ENOSF1: variants seen among roughly 807,000 people sequenced by gnomAD.
ENOSF1 encodes the protein mitochondrial enolase superfamily member 1.
Under a neutral mutation model 68.2 loss-of-function variants are expected in ENOSF1, and 73 were observed. The observed-to-expected ratio is 1.07, with a 90% CI of 0.89 to 1.30. ENOSF1 has a LOEUF of 1.30. Ranked by LOEUF, ENOSF1 falls within the 50% of genes most tolerant of loss-of-function variation. The pLI is 0.00. For missense variants in ENOSF1, 589 were observed against 554.5 expected, an observed-to-expected ratio of 1.06 and a Z score of -0.62; for synonymous variants, 223 against 210.4, an observed-to-expected ratio of 1.06 and a Z score of -0.52.
chr18:691,661 T>C (rs1040414331), intron 5 of ENOSF1: 7 of 185,268 alleles, frequency 3.8e-5, no homozygotes, highest in Non-Finnish European at 6.7e-5. Flanking sequence ...CTTATGGTGA[T>C]ACATGGGGCT....
intron 3 of ENOSF1, among the ~76,000 whole-genome samples, chr18:694,840 T>C (rs973882754): frequency 5.3e-5 from 8 of 152,206 alleles, no homozygotes; most frequent in African/African-American, 1.9e-4. Flanking sequence ...TAAGTATATG[T>C]ATGTATATAC....
In ENOSF1 at chr18:683,234, C is replaced by A. The variant is rs775549221; in HGVS notation, c.876+12G>T. 1 of 1,613,788 alleles carries A rather than the reference C, an allele frequency of 6.2e-7. No homozygotes were observed. The highest frequency in any genetic ancestry group is 1.7e-5 in the Admixed American group (1 of 59,986). On this transcript the variant is annotated intron_variant, in intron 11 of 15. Transcript: ENST00000647584. Reference sequence around the variant, plus strand: ...AAATAAGCTGCCACAGCAGCAGCAGCCGTTTTCCTACCTTGGAAATGGTGG... The same window carrying A: ...AAATAAGCTGCCACAGCAGCAGCAGACGTTTTCCTACCTTGGAAATGGTGG...
chr18:683,009 C>G (rs563489867), intron 11 of ENOSF1: 1 of 474,264 alleles, frequency 2.1e-6, no homozygotes, highest in Non-Finnish European at 3.7e-6. Context: ...AGCCCTTCAA[C>G]TTTTAGCAGC....
At chr18:707,855 TTA>T (rs1450255748) in intron 1 of ENOSF1, among the ~76,000 whole-genome samples, 10 of 23,242 alleles carry the variant, frequency 4.3e-4, no homozygotes, top group East Asian at 1.8e-3. Flanking sequence ...TAATGTTTTA[TTA>T]TTATTATTAT....
the ENOSF1 span, among the ~76,000 whole-genome samples, chr18:664,889 G>C: frequency 7.1e-6 from 1 of 141,758 alleles, no homozygotes; most frequent in African/African-American, 2.8e-5. Context: ...TGGTGGATAA[G>C]CTTTTTGATG....
intron 10 of ENOSF1, among the ~76,000 whole-genome samples, chr18:685,458 A>G (rs1310133229): frequency 6.6e-6 from 1 of 152,218 alleles, no homozygotes; most frequent in Non-Finnish European, 1.5e-5. Flanking sequence ...AAGCCTCATA[A>G]AAACATCTTA....
At chr18:712,284 A>G in intron 1 of ENOSF1, 2 of 1,530,092 alleles carry the variant, frequency 1.3e-6, no homozygotes, top group Non-Finnish European at 1.7e-6. Context: ...ATGGGTTCGA[A>G]GTCGGGAAGC....
chr18:672,471 T>C lies in ENOSF1; in HGVS notation c.*1834A>G, dbSNP rs375466120. ...TCCCTTTCTGTTCACTGTCCATGCA[T>C]GTCATCTTTCCTTCTTTCTGCCAGG... On this transcript the variant is annotated 3_prime_UTR_variant, in exon 16 of 16. Coordinates refer to ENST00000647584, the MANE Select transcript of ENOSF1 (RefSeq NM_017512.7). 6.2e-6 allele frequency: 1 copy of C among 160,352 alleles called. No homozygotes were observed. Among genetic ancestry groups the C allele is most frequent in the African/African-American group, 2.4e-5 (1 of 41,688 alleles). The allele number at this position is 160,352 out of a possible 1,614,324, so 9.9% of individuals were successfully genotyped here.
chr18:691,094 T>C lies in ENOSF1; in HGVS notation c.509A>G (p.Lys170Arg). The stretch of plus-strand genomic sequence containing the variant: ...TCTTTCTTTTTTACCAATTTGACCT[T>C]TCTGCAGTATTTCTGGAAGAAATAA... ...TEEDALEILQ[K>R]GQIGKKEREK... is the part of the protein sequence containing the mutation. The change falls in exon 7 of 16, where the codon AAA becomes AGA. Residue 170 changes from lysine (K) to arginine (R), a missense_variant. Coordinates refer to ENST00000647584, the MANE Select transcript of ENOSF1 (RefSeq NM_017512.7). The C allele has an allele frequency of 6.2e-7, 1 of 1,614,236 alleles. No individual in the cohort carries two copies. Among genetic ancestry groups the C allele is most frequent in the Non-Finnish European group, 8.5e-7 (1 of 1,180,032 alleles).
At position 671,208 on chromosome 18, in the gene ENOSF1, T is replaced by C; in HGVS notation, c.*3097A>G. The C allele has an allele frequency of 3.2e-6, 2 of 631,756 alleles. No homozygotes were observed. The allele number at this position is 631,756 out of a possible 1,614,324, so 39.1% of individuals were successfully genotyped here. A position where few individuals can be genotyped will look rare whatever the true frequency, so the allele number is the denominator to read the frequency against. On this transcript the variant is annotated 3_prime_UTR_variant, in exon 16 of 16. Coordinates refer to ENST00000647584, the MANE Select transcript of ENOSF1 (RefSeq NM_017512.7). ...CAATTGCTTGAGGTCTGGAGTTCAA[T>C]ACCAGCCTGGGCAACATAACAAGAT...
chr18:689,806 G>A (rs999667170), intron 8 of ENOSF1, among the ~76,000 whole-genome samples: 3 of 152,176 alleles, frequency 2.0e-5, no homozygotes, highest in Admixed American at 6.5e-5. Context: ...GGTCCCCTAC[G>A]TAGCTTCAGG....
chr18:682,814 C>A (rs1052281374), intron 11 of ENOSF1, among the ~76,000 whole-genome samples: 5 of 150,042 alleles, frequency 3.3e-5, no homozygotes, highest in Admixed American at 6.7e-5. Context: ...ACTCGGGAGG[C>A]AGAGGTTGCA....
At chr18:711,531 C>A (rs760409240) in intron 1 of ENOSF1, among the ~76,000 whole-genome samples, 2 of 152,124 alleles carry the variant, frequency 1.3e-5, no homozygotes, top group African/African-American at 2.4e-5. Flanking sequence ...GCTTTTCTAG[C>A]GCGGCCAATC....
chr18:683,665 G>A (rs993319439), intron 10 of ENOSF1, among the ~76,000 whole-genome samples: 6 of 152,066 alleles, frequency 3.9e-5, no homozygotes, highest in African/African-American at 7.2e-5. Context: ...AGAAGTGCTC[G>A]CTGGCCCTGG....
chr18:692,590 T>G lies in ENOSF1; in HGVS notation c.423+1292A>C, dbSNP rs1205472329. The G allele has an allele frequency of 1.1e-5, 6 of 548,796 alleles. No individual in the cohort carries two copies. In the South Asian group the frequency reaches 4.1e-4, roughly 37 times the overall value. 34.0% of individuals were successfully genotyped at this position (548,796 alleles called of 1,614,324 possible). On this transcript the variant is annotated intron_variant, in intron 5 of 15. Coordinates refer to ENST00000647584, the MANE Select transcript of ENOSF1 (RefSeq NM_017512.7). ...GTAGCCTGGGCAACAAGAAGAAAAC[T>G]CCGTCTAAAAAAAAAAAAAAGAAAG...
chr18:690,090 T>C (rs2076997606), intron 8 of ENOSF1, among the ~76,000 whole-genome samples: 1 of 152,114 alleles, frequency 6.6e-6, no homozygotes, highest in African/African-American at 2.4e-5. Context: ...CACCTTGCCC[T>C]GTGTGTCTCT....
chr18:694,818 C>CTA (rs1555662701), intron 3 of ENOSF1, among the ~76,000 whole-genome samples: 6 of 151,676 alleles, frequency 4.0e-5, no homozygotes, highest in Admixed American at 2.0e-4. Context: ...TTCTCTCTCT[C>CTA]TATATATATG....
chr18:699,813 C>CT (rs1491109768), intron 2 of ENOSF1, among the ~76,000 whole-genome samples: 2 of 152,208 alleles, frequency 1.3e-5, no homozygotes, highest in Admixed American at 6.5e-5. Context: ...GGCGCGGTGG[C>CT]TCACGTCTGT....
chr18:698,788 T>C (rs550733308), intron 2 of ENOSF1, among the ~76,000 whole-genome samples: 2 of 152,042 alleles, frequency 1.3e-5, no homozygotes, highest in Non-Finnish European at 2.9e-5. Flanking sequence ...GCCCAGCTAA[T>C]TTCTTGTATT....
Sources: allele counts gnomAD v4.1 joint callset (sites outside exome capture counted in the v4.1 genomes callset), GRCh38; gene constraint gnomAD v4.1.1; transcripts MANE v1.5; gene names NCBI Gene and HGNC (gene_info 2026-07-23, HGNC 2026-07-21).